The following RBBP4 variants were observed in gnomAD, a reference collection of about 807,000 sequenced individuals.
RBBP4 encodes histone-binding protein RBBP4.
RBBP4 carries 3 observed loss-of-function variants against 57.2 expected under a neutral mutation model. That is an observed-to-expected ratio of 0.05 (90% CI 0.02 to 0.14). The LOEUF (loss-of-function observed/expected upper bound fraction) is 0.14. RBBP4 is among the 10% of genes least tolerant of loss of function. The probability of loss-of-function intolerance (pLI) is 1.00; values close to 1 mark genes in which losing one functional copy is unlikely to be tolerated. For synonymous variants in RBBP4, 151 were observed against 171.5 expected (o/e 0.88, Z 0.93); for missense variants, 107 against 520.6 (o/e 0.21, Z 7.73).
chr1:32,653,684 G>T (rs1233955712), intron 2 of RBBP4, among the ~76,000 whole-genome samples: 2 of 106,752 alleles, frequency 1.9e-5, no homozygotes, highest in Admixed American at 1.5e-4. Context: ...TTTTGAGACG[G>T]AGTCTCCTCT....
intron 11 of RBBP4, among the ~76,000 whole-genome samples, chr1:32,674,939 A>C (rs963964701): frequency 6.6e-6 from 1 of 151,570 alleles, no homozygotes; most frequent in Admixed American, 6.6e-5. Flanking sequence ...GGGTTTCACC[A>C]TGTTGGTCAG....
chr1:32,672,039 G>A (rs1277628206), intron 8 of RBBP4, among the ~76,000 whole-genome samples: 1 of 151,986 alleles, frequency 6.6e-6, no homozygotes, highest in Non-Finnish European at 1.5e-5. Flanking sequence ...TGTCACCCAG[G>A]CTGGAGTGCA....
At chr1:32,676,702 A>AT (rs1389143981) in intron 11 of RBBP4, among the ~76,000 whole-genome samples, 4 of 151,688 alleles carry the variant, frequency 2.6e-5, no homozygotes, top group Non-Finnish European at 4.4e-5. Context: ...CTGTATTATA[A>AT]TTTTTTTACA....
intron 5 of RBBP4, 49 bp from the exon 6 acceptor site, chr1:32,668,923 G>A (rs374282585): frequency 4.9e-5 from 79 of 1,612,372 alleles, no homozygotes; most frequent in Non-Finnish European, 6.3e-5. Flanking sequence ...TGGGGTGTGT[G>A]GGGAGGTGAG....
In RBBP4 at chr1:32,667,076, C is replaced by T. The variant is rs138025255; in HGVS notation, c.311-1149C>T. Reference sequence around the variant, plus strand: ...AGACTGTGAAAGGGAGCCTCCCTTCCCTTGGAGTCAGGGAACACTCTGCTC... The same window carrying T: ...AGACTGTGAAAGGGAGCCTCCCTTCTCTTGGAGTCAGGGAACACTCTGCTC... On this transcript the variant is annotated intron_variant, in intron 3 of 11. Coordinates refer to ENST00000373493, the MANE Select transcript of RBBP4 (RefSeq NM_005610.3). 1.7e-4 allele frequency among the ~76,000 whole-genome samples: 26 copies of T among 152,254 alleles called. No homozygotes were observed. In the East Asian group the frequency reaches 5.0e-3, roughly 29 times the overall value.
At position 32,683,523 on chromosome 1, in the gene RBBP4, A is replaced by T. The variant is rs768087307; in HGVS notation, c.*3818A>T. The stretch of plus-strand genomic sequence containing the variant: ...ATAATCAGGGCATATTTTGAGTCCT[A>T]CTAGAAACAAACATTCCAAATGAAC... On this transcript the variant is annotated 3_prime_UTR_variant, in exon 12 of 12. Coordinates refer to ENST00000373493, the MANE Select transcript of RBBP4 (RefSeq NM_005610.3). 1 of 152,966 alleles carries T rather than the reference A, an allele frequency of 6.5e-6. No homozygotes were observed. The highest frequency in any genetic ancestry group is 6.5e-5 in the Admixed American group (1 of 15,356). The allele number at this position is 152,966 out of a possible 1,614,324, so 9.5% of individuals were successfully genotyped here.
rs1353844444 is a variant in RBBP4, at chr1:32,680,188, A to G, written c.*483A>G. 9.1e-7 allele frequency: 1 copy of G among 1,096,648 alleles called. No homozygotes were observed. Among genetic ancestry groups the G allele is most frequent in the Non-Finnish European group, 1.1e-6 (1 of 901,738 alleles). 67.9% of individuals were successfully genotyped at this position (1,096,648 alleles called of 1,614,324 possible). On this transcript the variant is annotated 3_prime_UTR_variant, in exon 12 of 12. Coordinates refer to ENST00000373493, the MANE Select transcript of RBBP4 (RefSeq NM_005610.3). ...CTTGACACCTGACTTTCCAGGATGC[A>G]CATTTTCATACGTAGACCAGTTTCC...
chr1:32,672,132 G>GCTAC (rs1648905481), intron 8 of RBBP4, among the ~76,000 whole-genome samples: 1 of 151,916 alleles, frequency 6.6e-6, no homozygotes, highest in South Asian at 2.1e-4. Context: ...TGGGATTACA[G>GCTAC]GCGCCTGCCA....
At position 32,669,347 on chromosome 1, in the gene RBBP4, C is replaced by T; in HGVS notation, c.878C>T (p.Ser293Leu). The T allele has an allele frequency of 6.2e-7, 1 of 1,605,354 alleles. No individual in the cohort carries two copies. The highest frequency in any genetic ancestry group is 8.5e-7 in the Non-Finnish European group (1 of 1,178,288). ...AGTGAGTTCATTCTTGCCACAGGATCAGCTGACAAGGTCAGTTTCGTTTAT... is the reference window on the plus strand; with the variant it reads ...AGTGAGTTCATTCTTGCCACAGGATTAGCTGACAAGGTCAGTTTCGTTTAT... ...PYSEFILATG[S>L]ADKTVALWDL... The change falls in exon 7 of 12, where the codon TCA becomes TTA. Residue 293 changes from serine to leucine, a missense_variant. Around this residue, in one of 3 missense-constraint regions of RBBP4, gnomAD observed 92 missense variants for 408.5 expected, o/e 0.23. Coordinates refer to ENST00000373493, the MANE Select transcript of RBBP4 (RefSeq NM_005610.3). The surrounding 1 kb of genome is among the most constrained non-coding windows in gnomAD (Gnocchi z 4.9).
chr1:32,651,823 G>T, intron 1 of RBBP4, 91 bp from the exon 2 acceptor site: 1 of 1,381,286 alleles, frequency 7.2e-7, no homozygotes, highest in South Asian at 1.3e-5. Context: ...CCATTTCATG[G>T]TTAGGCTGTA....
intron 8 of RBBP4, among the ~76,000 whole-genome samples, chr1:32,670,014 T>C (rs763169299): frequency 6.6e-6 from 1 of 152,202 alleles, no homozygotes; most frequent in Non-Finnish European, 1.5e-5. Context: ...TTCTTTGTTA[T>C]TTCTATACTT....
chr1:32,665,507 G>T (rs907516727), intron 3 of RBBP4, among the ~76,000 whole-genome samples: 15 of 151,808 alleles, frequency 9.9e-5, no homozygotes, highest in Non-Finnish European at 2.2e-4. Context: ...ATGAAACCCC[G>T]TCTCTACTAA....
chr1:32,678,295 T>C (rs659867), intron 11 of RBBP4, among the ~76,000 whole-genome samples: 146,631 of 150,846 alleles, frequency 0.97, 71,394 homozygotes, highest in Non-Finnish European at 1. Flanking sequence ...GGTGTGATCT[T>C]GGCTCACTGC....
intron 2 of RBBP4, among the ~76,000 whole-genome samples, chr1:32,656,379 G>T (rs1028011360): frequency 1.3e-5 from 2 of 151,904 alleles, no homozygotes; most frequent in Non-Finnish European, 2.9e-5. Flanking sequence ...TTGAGACAGA[G>T]TCTTGCTCTT....
At chr1:32,676,843 T>C (rs1032982055) in intron 11 of RBBP4, among the ~76,000 whole-genome samples, 4 of 151,992 alleles carry the variant, frequency 2.6e-5, no homozygotes, top group African/African-American at 7.2e-5. Flanking sequence ...CTTGGGAGGC[T>C]GAAGTGGGAG....
chr1:32,666,489 G>T (rs1333033472), intron 3 of RBBP4, among the ~76,000 whole-genome samples: 2 of 151,834 alleles, frequency 1.3e-5, no homozygotes, highest in Non-Finnish European at 2.9e-5. Context: ...CCCAGTAGCT[G>T]GGGACTACAG....
intron 11 of RBBP4, among the ~76,000 whole-genome samples, chr1:32,679,159 T>C (rs1208868239): frequency 6.6e-6 from 1 of 152,170 alleles, no homozygotes; most frequent in East Asian, 1.9e-4. Flanking sequence ...TAGCCAGGCG[T>C]AGTGGCATGT....
chr1:32,672,654 G>A lies in RBBP4; in HGVS notation c.1056G>A (p.Glu352=). ...GCTTTTGTACTAGTAAAATTGGAGA[G>A]GAACAATCCCCAGAAGATGCAGAAG... ...LNVWDLSKIG[E]EQSPEDAEDG... The change falls in exon 10 of 12, where the codon GAG becomes GAA. Residue 352 remains glutamate (E), a synonymous_variant. Coordinates refer to ENST00000373493, the MANE Select transcript of RBBP4 (RefSeq NM_005610.3). The A allele has an allele frequency of 3.7e-6, 6 of 1,614,024 alleles. No homozygotes were observed. The highest frequency in any genetic ancestry group is 5.1e-6 in the Non-Finnish European group (6 of 1,179,902).
Position 32,684,736 on chromosome 1 carries a change from A to G in RBBP4, c.*5031A>G, listed in dbSNP as rs1205539019. 1 of 179,030 alleles carries G rather than the reference A, an allele frequency of 5.6e-6. No homozygotes were observed. The highest frequency in any genetic ancestry group is 1.2e-5 in the Non-Finnish European group (1 of 84,310). 11.1% of individuals were successfully genotyped at this position (179,030 alleles called of 1,614,324 possible). ...TTCATATACCTCTCCCTCCATGTGCAGGTTTGTTAAGATAATTGGTAGTTT... is the reference window on the plus strand; with the variant it reads ...TTCATATACCTCTCCCTCCATGTGCGGGTTTGTTAAGATAATTGGTAGTTT... On this transcript the variant is annotated 3_prime_UTR_variant, in exon 12 of 12. Transcript: ENST00000373493.
Sources: gnomAD v4.1 joint callset for allele counts (sites outside exome capture counted in the v4.1 genomes callset) on GRCh38, gnomAD v4.1.1 for gene constraint, gnomAD v4.1.1 regional missense constraint, Gnocchi (gnomAD v3.1) non-coding constraint, MANE v1.5 for transcripts, NCBI Gene and HGNC (gene_info 2026-07-23, HGNC 2026-07-21) for gene names.